Variants in ELL observed in about 807,000 individuals in gnomAD.
The protein encoded by ELL is RNA polymerase II elongation factor ELL.
A neutral mutation model predicts 64.0 loss-of-function variants in ELL; 18 were observed. The ratio of observed to expected loss-of-function variants is 0.28; its 90% confidence interval spans 0.19 to 0.42. The LOEUF (loss-of-function observed/expected upper bound fraction) is 0.42. ELL is among the 10% of genes least tolerant of loss of function. ELL has a pLI of 1.00. For missense variants in ELL, 797 were observed against 870.4 expected (o/e 0.92, Z 1.06); for synonymous variants, 399 against 376.2 (o/e 1.06, Z -0.70).
At chr19:18,459,669 G>A (rs538945951) in intron 5 of ELL, among the ~76,000 whole-genome samples, 9 of 151,896 alleles carry the variant, frequency 5.9e-5, no homozygotes, top group Non-Finnish European at 1.0e-4. Flanking sequence ...ACAGGCACCC[G>A]CCACCACGCC....
At position 18,518,050 on chromosome 19, in the gene ELL, G is replaced by A. The variant is rs570259046; in HGVS notation, c.135+3871C>T. Among the ~76,000 whole-genome samples, 106 of 151,726 alleles carry A rather than the reference G, an allele frequency of 7.0e-4. 2 individuals carry two copies. Among genetic ancestry groups the A allele is most frequent in the East Asian group, 1.9e-4 (1 of 5,148 alleles). The stretch of plus-strand genomic sequence containing the variant: ...AGCCTGACCAACATGGTAAAACCCC[G>A]TCTCCACTAAAAGTACAAAATTTGT... On this transcript the variant is annotated intron_variant, in intron 1 of 11. Transcript: ENST00000262809.
intron 5 of ELL, among the ~76,000 whole-genome samples, chr19:18,459,805 C>T (rs923970144): frequency 1.1e-4 from 16 of 148,616 alleles, no homozygotes; most frequent in African/African-American, 3.7e-4. Context: ...GGATTACAGG[C>T]GTGAGCCACC....
intron 5 of ELL, 73 bp downstream of exon 5, chr19:18,461,505 C>G (rs1974812448): frequency 1.3e-6 from 2 of 1,536,258 alleles, no homozygotes; most frequent in African/African-American, 2.7e-5. Context: ...TCTCCATGCT[C>G]TGGCCCATCC....
intron 6 of ELL, among the ~76,000 whole-genome samples, chr19:18,452,753 T>C (rs1239490361): frequency 6.6e-6 from 1 of 152,152 alleles, no homozygotes; most frequent in Admixed American, 6.5e-5. Flanking sequence ...AGTTGGGAAG[T>C]TACCTGGGCC....
At chr19:18,463,119 C>T (rs1192165563) in intron 4 of ELL, among the ~76,000 whole-genome samples, 1 of 152,140 alleles carries the variant, frequency 6.6e-6, no homozygotes, top group East Asian at 1.9e-4. Context: ...TCACTCTGAT[C>T]TTATCTCTCA....
chr19:18,481,900 G>A (rs1391569269), intron 1 of ELL, among the ~76,000 whole-genome samples: 1 of 152,194 alleles, frequency 6.6e-6, no homozygotes, highest in Non-Finnish European at 1.5e-5. Context: ...TACAGAGTAG[G>A]TGTACATTTA....
At chr19:18,454,262 G>T (rs1974604841) in intron 6 of ELL, among the ~76,000 whole-genome samples, 1 of 152,122 alleles carries the variant, frequency 6.6e-6, no homozygotes, top group African/African-American at 2.4e-5. Context: ...CACTTTGGGA[G>T]GCCGAGGCAG....
intron 8 of ELL, 80 bp downstream of exon 8, chr19:18,450,397 C>T (rs1974496769): frequency 6.4e-7 from 1 of 1,550,522 alleles, no homozygotes; most frequent in Non-Finnish European, 8.7e-7. Flanking sequence ...GCTTGAGCCC[C>T]CTCGACACCC....
chr19:18,513,804 G>A (rs1191691096), intron 1 of ELL, among the ~76,000 whole-genome samples: 3 of 151,960 alleles, frequency 2.0e-5, no homozygotes, highest in African/African-American at 7.3e-5. Flanking sequence ...GGTGGCGGGC[G>A]CCTGTAGTCC....
intron 1 of ELL, among the ~76,000 whole-genome samples, chr19:18,498,383 C>T (rs1163252443): frequency 6.6e-6 from 1 of 152,142 alleles, no homozygotes. Context: ...CTAGGGCAGT[C>T]GCCTCAGCTA....
chr19:18,504,886 C>G (rs1975850723), intron 1 of ELL, among the ~76,000 whole-genome samples: 3 of 152,244 alleles, frequency 2.0e-5, no homozygotes, highest in Admixed American at 2.0e-4. Context: ...CCCCACAGCC[C>G]TGAGCACCCG....
intron 5 of ELL, among the ~76,000 whole-genome samples, chr19:18,460,334 C>T (rs1045472006): frequency 5.9e-5 from 9 of 152,180 alleles, no homozygotes; most frequent in African/African-American, 1.2e-4. Context: ...AAGAAGCAGA[C>T]GAGCTGTCCA....
intron 1 of ELL, among the ~76,000 whole-genome samples, chr19:18,478,198 G>A (rs1306580229): frequency 6.6e-6 from 1 of 152,196 alleles, no homozygotes; most frequent in Non-Finnish European, 1.5e-5. Flanking sequence ...CATGCGTGGT[G>A]TCATGGCCGA....
chr19:18,518,314 A>C (rs1245371973), intron 1 of ELL, among the ~76,000 whole-genome samples: 2 of 150,226 alleles, frequency 1.3e-5, no homozygotes, highest in Non-Finnish European at 3.0e-5. Flanking sequence ...AGCCTTGGCA[A>C]CATAGTGAGA....
chr19:18,456,973 A>C (rs1974693342), intron 6 of ELL, among the ~76,000 whole-genome samples: 1 of 152,014 alleles, frequency 6.6e-6, no homozygotes. Flanking sequence ...AAAAAAAAAA[A>C]AAACAGCTAT....
chr19:18,478,428 C>A (rs1975223646), intron 1 of ELL, among the ~76,000 whole-genome samples: 1 of 152,192 alleles, frequency 6.6e-6, no homozygotes, highest in Non-Finnish European at 1.5e-5. Context: ...GAGAGCCATG[C>A]CTCAGGCCAC....
chr19:18,470,375 ATGGGTGG>A (rs1448763920), intron 2 of ELL, among the ~76,000 whole-genome samples: 3 of 152,220 alleles, frequency 2.0e-5, no homozygotes, highest in African/African-American at 7.2e-5. Context: ...GTAGAGGGGC[ATGGGTGG>A]TCAGGCAGCA....
intron 1 of ELL, among the ~76,000 whole-genome samples, chr19:18,507,405 C>A (rs1389947623): frequency 6.6e-6 from 1 of 152,262 alleles, no homozygotes. Flanking sequence ...AAGTCCTCCT[C>A]TGAGTCTTTC....
chr19:18,521,811 C>T lies in ELL; in HGVS notation c.135+110G>A, dbSNP rs931221197. The T allele has an allele frequency of 2.9e-6, 4 of 1,395,334 alleles. No individual in the cohort carries two copies. In the East Asian group the frequency reaches 1.1e-4, roughly 40 times the overall value. 86.4% of individuals were successfully genotyped at this position (1,395,334 alleles called of 1,614,324 possible). A position where few individuals can be genotyped will look rare whatever the true frequency, so the allele number is the denominator to read the frequency against. On this transcript the variant is annotated intron_variant, in intron 1 of 11. Coordinates refer to ENST00000262809, the MANE Select transcript of ELL (RefSeq NM_006532.4). The stretch of plus-strand genomic sequence containing the variant: ...CCCCGCCGGCCCAGGGACCCGCGAG[C>T]AGCACCACAGACCTAGCGTCTCCGA...
Sources: allele counts gnomAD v4.1 joint callset (sites outside exome capture counted in the v4.1 genomes callset), GRCh38; gene constraint gnomAD v4.1.1; transcripts MANE v1.5; gene names NCBI Gene and HGNC (gene_info 2026-07-23, HGNC 2026-07-21).